EPHB1: variants seen among roughly 807,000 people sequenced by gnomAD.
EPHB1 encodes ephrin type-B receptor 1.
Under a neutral mutation model 94.4 loss-of-function variants are expected in EPHB1, and 30 were observed. That is an observed-to-expected ratio of 0.32 (90% CI 0.24 to 0.43). The LOEUF (loss-of-function observed/expected upper bound fraction) is 0.43. Among genes scored for constraint, EPHB1 ranks in the 20% least tolerant of loss-of-function variants. The probability of loss-of-function intolerance (pLI) is 1.00; values close to 1 mark genes in which losing one functional copy is unlikely to be tolerated. For synonymous variants in EPHB1, 522 were observed against 489.1 expected, an observed-to-expected ratio of 1.07 and a Z score of -0.89; for missense variants, 1,055 against 1,308.3, an observed-to-expected ratio of 0.81 and a Z score of 2.99.
At chr3:135,100,261 G>A (rs1938985916) in intron 3 of EPHB1, among the ~76,000 whole-genome samples, 1 of 152,036 alleles carries the variant, frequency 6.6e-6, no homozygotes, top group African/African-American at 2.4e-5. Context: ...TAAAAATGTT[G>A]TTTTTGAGGC....
intron 3 of EPHB1, among the ~76,000 whole-genome samples, chr3:135,102,779 A>G (rs1939078429): frequency 6.6e-6 from 1 of 152,238 alleles, no homozygotes; most frequent in Admixed American, 6.5e-5. Context: ...CATATACACC[A>G]TGGAATACCT....
chr3:134,866,813 T>G (rs2037389437), intron 1 of EPHB1, among the ~76,000 whole-genome samples: 1 of 152,158 alleles, frequency 6.6e-6, no homozygotes, highest in Middle Eastern at 3.2e-3. Context: ...CTCCCAGAGA[T>G]TCACATATGG....
At chr3:134,945,322 A>T (rs1262595648) in intron 2 of EPHB1, among the ~76,000 whole-genome samples, 3 of 152,116 alleles carry the variant, frequency 2.0e-5, no homozygotes, top group African/African-American at 7.2e-5. Context: ...AGTATACAAA[A>T]ATTTTCTCCA....
At chr3:135,201,910 G>A (rs1293158965) in intron 12 of EPHB1, among the ~76,000 whole-genome samples, 2 of 152,072 alleles carry the variant, frequency 1.3e-5, no homozygotes, top group South Asian at 2.1e-4. Context: ...TGTGAGGAAG[G>A]GTCAGTGTCT....
intron 2 of EPHB1, among the ~76,000 whole-genome samples, chr3:134,933,524 G>A (rs36169): frequency 0.55 from 83,036 of 151,796 alleles, 24,581 homozygotes; most frequent in African/African-American, 0.77. Flanking sequence ...TATAGGGAAC[G>A]GAAAGATGAC....
At chr3:134,837,920 G>T (rs1480110564) in intron 1 of EPHB1, among the ~76,000 whole-genome samples, 2 of 152,194 alleles carry the variant, frequency 1.3e-5, no homozygotes, top group African/African-American at 4.8e-5. Flanking sequence ...CCCAGAGCAG[G>T]CACTGGACAT....
At chr3:134,939,373 A>AT (rs971328871) in intron 2 of EPHB1, among the ~76,000 whole-genome samples, 3 of 117,446 alleles carry the variant, frequency 2.6e-5, no homozygotes, top group Non-Finnish European at 5.5e-5. Flanking sequence ...ATGGTAATGA[A>AT]TGGGGGGTGG....
chr3:135,059,122 C>T (rs190266918), intron 3 of EPHB1, among the ~76,000 whole-genome samples: 370 of 152,310 alleles, frequency 2.4e-3, no homozygotes, highest in Non-Finnish European at 4.2e-3. Flanking sequence ...AGTTGATCCC[C>T]GATGTGCAGC....
At chr3:134,819,220 A>G (rs1014474353) in intron 1 of EPHB1, among the ~76,000 whole-genome samples, 1 of 152,210 alleles carries the variant, frequency 6.6e-6, no homozygotes, top group Non-Finnish European at 1.5e-5. Flanking sequence ...TCTAATCACT[A>G]TCACTTCCAT....
At chr3:135,048,272 T>C (rs923269857) in intron 3 of EPHB1, among the ~76,000 whole-genome samples, 7 of 135,602 alleles carry the variant, frequency 5.2e-5, no homozygotes, top group African/African-American at 2.0e-4. Context: ...TTTTTTTTTT[T>C]TTTTTTTTTT....
At chr3:134,811,393 C>T (rs2036177330) in intron 1 of EPHB1, among the ~76,000 whole-genome samples, 1 of 151,996 alleles carries the variant, frequency 6.6e-6, no homozygotes, top group Admixed American at 6.6e-5. Context: ...CGAGCACCAC[C>T]ATGGCTGGCT....
At chr3:134,942,771 G>A (rs912264118) in intron 2 of EPHB1, among the ~76,000 whole-genome samples, 1 of 152,204 alleles carries the variant, frequency 6.6e-6, no homozygotes, top group African/African-American at 2.4e-5. Context: ...GAATAAAATG[G>A]TGTTCCATAA....
intron 15 of EPHB1, among the ~76,000 whole-genome samples, chr3:135,250,628 G>A (rs1933037714): frequency 6.6e-6 from 1 of 152,014 alleles, no homozygotes; most frequent in African/African-American, 2.4e-5. Context: ...GATTAAGGTT[G>A]GTAAGGGTAA....
chr3:134,911,982 A>G (rs2038464997), intron 1 of EPHB1, among the ~76,000 whole-genome samples: 1 of 152,242 alleles, frequency 6.6e-6, no homozygotes, highest in Non-Finnish European at 1.5e-5. Flanking sequence ...ACTGTGCCAC[A>G]GATCAATCAG....
intron 1 of EPHB1, among the ~76,000 whole-genome samples, chr3:134,901,692 G>A (rs1371133685): frequency 6.6e-6 from 1 of 152,248 alleles, no homozygotes; most frequent in Non-Finnish European, 1.5e-5. Context: ...GGCAAAGGAA[G>A]CCATGGGTGC....
intron 2 of EPHB1, among the ~76,000 whole-genome samples, chr3:134,926,718 T>C (rs1464823338): frequency 7.2e-5 from 11 of 152,134 alleles, no homozygotes; most frequent in Non-Finnish European, 1.2e-4. Flanking sequence ...AGCAGGGAAC[T>C]TGGATTTTAT....
At chr3:134,814,749 G>A (rs752193424) in intron 1 of EPHB1, among the ~76,000 whole-genome samples, 4 of 152,218 alleles carry the variant, frequency 2.6e-5, no homozygotes, top group Non-Finnish European at 4.4e-5. Flanking sequence ...TGCGTCCCAA[G>A]TCCCAGGGTC....
chr3:134,912,544 C>T (rs554533551), intron 1 of EPHB1, among the ~76,000 whole-genome samples: 7 of 152,362 alleles, frequency 4.6e-5, no homozygotes, highest in Admixed American at 4.6e-4. Flanking sequence ...CTCTCTCTCT[C>T]TCTTTGCTGC....
intron 5 of EPHB1, among the ~76,000 whole-genome samples, chr3:135,150,047 C>T (rs1004527080): frequency 1.3e-5 from 2 of 152,312 alleles, no homozygotes; most frequent in Middle Eastern, 3.4e-3. Flanking sequence ...GTCCCCAGTG[C>T]TTAGAACAGG....
Sources: allele counts gnomAD v4.1 joint callset (sites outside exome capture counted in the v4.1 genomes callset), GRCh38; gene constraint gnomAD v4.1.1; transcripts MANE v1.5; gene names NCBI Gene and HGNC (gene_info 2026-07-23, HGNC 2026-07-21).